Variants in DIPK1C observed in about 807,000 individuals in gnomAD.
DIPK1C encodes divergent protein kinase domain 1C, also known as familial non-conventional Alzheimer's dementia.
Under a neutral mutation model 28.0 loss-of-function variants are expected in DIPK1C, and 33 were observed. That is an observed-to-expected ratio of 1.18 (90% CI 0.89 to 1.58). The LOEUF (loss-of-function observed/expected upper bound fraction) is 1.58, where lower values mean the gene tolerates loss of function less well. DIPK1C is among the 40% of genes most tolerant of loss of function. The pLI is 0.00. For missense variants in DIPK1C, 569 were observed against 568.5 expected (o/e 1.00, Z -0.01); for synonymous variants, 255 against 248.8 (o/e 1.02, Z -0.23).
chr18:74,440,811 C>T (rs1986105644), intron 3 of DIPK1C, among the ~76,000 whole-genome samples: 1 of 152,180 alleles, frequency 6.6e-6, no homozygotes, highest in African/African-American at 2.4e-5. Flanking sequence ...ATCTTCTTCC[C>T]ACAGCTCAAG....
In DIPK1C at chr18:74,446,390, T is replaced by A. The variant is rs574725244; in HGVS notation, c.876+216A>T. Among the ~76,000 whole-genome samples the A allele has an allele frequency of 4.3e-3, 657 of 152,348 alleles. 9 individuals are homozygous for A. Among genetic ancestry groups the A allele is most frequent in the Middle Eastern group, 3.4e-3 (1 of 294 alleles). On this transcript the variant is annotated intron_variant, in intron 2 of 3. Coordinates refer to ENST00000343998, the MANE Select transcript of DIPK1C (RefSeq NM_001044369.3). ...AGCTGGCCCGGCCTCTGCCTCCCAC[T>A]GTGGGCTCCGTTCATTCAGATTCTC...
chr18:74,449,757 AT>A (rs1568265057), intron 1 of DIPK1C, among the ~76,000 whole-genome samples: 3 of 152,164 alleles, frequency 2.0e-5, no homozygotes, highest in Non-Finnish European at 4.4e-5. Context: ...GGAAACCCAC[AT>A]CCTTTAGGAA....
rs550385279 is a variant in DIPK1C at position 74,447,647 on chromosome 18, T to C, written c.199-364A>G. 2.6e-5 allele frequency among the ~76,000 whole-genome samples: 4 copies of C among 152,298 alleles called. No individual in the cohort carries two copies. The highest frequency in any genetic ancestry group is 9.6e-5 in the African/African-American group (4 of 41,578). On this transcript the variant is annotated intron_variant, in intron 1 of 3. Coordinates refer to ENST00000343998, the MANE Select transcript of DIPK1C (RefSeq NM_001044369.3). This position sits in a 1 kb window ranked among gnomAD's most constrained non-coding sequence, Gnocchi z 4.1. ...GGACCAGGCCAGTAGCTCTCGACTC[T>C]GCCTACACTTCAGGGTCACTGGGAG...
intron 1 of DIPK1C, among the ~76,000 whole-genome samples, chr18:74,453,679 A>G (rs1295679267): frequency 6.6e-6 from 1 of 152,192 alleles, no homozygotes; most frequent in African/African-American, 2.4e-5. Flanking sequence ...TTGCTATGGA[A>G]GGGTTAAGTA....
At chr18:74,450,665 CCTCCTCT>C (rs1006520491) in intron 1 of DIPK1C, among the ~76,000 whole-genome samples, 8 of 152,240 alleles carry the variant, frequency 5.3e-5, no homozygotes, top group African/African-American at 1.9e-4. Flanking sequence ...CAAGAAGCCA[CCTCCTCT>C]CTGCCTCACT....
upstream of DIPK1C, among the ~76,000 whole-genome samples, chr18:74,460,477 G>A (rs1463021124): frequency 6.6e-6 from 1 of 152,170 alleles, no homozygotes; most frequent in Non-Finnish European, 1.5e-5. Flanking sequence ...AGGATTGCAG[G>A]TGATTTTTAT....
the DIPK1C span, among the ~76,000 whole-genome samples, chr18:74,464,389 G>T: frequency 6.6e-6 from 1 of 152,188 alleles, no homozygotes; most frequent in Non-Finnish European, 1.5e-5. Context: ...AGCAGTTTTA[G>T]ATTCACAACA....
At chr18:74,456,527 A>C (rs1365842546) in intron 1 of DIPK1C, among the ~76,000 whole-genome samples, 1 of 152,134 alleles carries the variant, frequency 6.6e-6, no homozygotes, top group Non-Finnish European at 1.5e-5. Context: ...TGGGCTCTGG[A>C]GCGCAGGGGG....
At chr18:74,457,774 C>G (rs904768726), upstream of DIPK1C, 13 of 151,112 alleles carry the variant, frequency 8.6e-5, no homozygotes, top group African/African-American at 2.7e-4. Flanking sequence ...GAGTCTCACC[C>G]CAACTTGGGT....
intron 1 of DIPK1C, among the ~76,000 whole-genome samples, chr18:74,449,558 T>G (rs1206207422): frequency 6.6e-6 from 1 of 152,356 alleles, no homozygotes; most frequent in East Asian, 1.9e-4. Context: ...CCTGGCTTCC[T>G]GCTGCGGGGG....
In DIPK1C at chr18:74,436,674, TG is replaced by T; in HGVS notation, c.1086del (p.Lys363ArgfsTer49). 1.2e-6 allele frequency: 2 copies of T among 1,613,898 alleles called. No individual in the cohort carries two copies. The highest frequency in any genetic ancestry group is 1.7e-6 in the Non-Finnish European group (2 of 1,179,978). On this transcript the variant is annotated frameshift_variant, in exon 4 of 4. Coordinates refer to ENST00000343998, the MANE Select transcript of DIPK1C (RefSeq NM_001044369.3). LOFTEE classifies it low-confidence loss of function (END_TRUNC). ...KIFRHWFSAPLKSSAVSFQLQ... is the reference protein window; with the variant it reads ...KIFRHWFSAPXKSSAVSFQLQ... ...AGCTGGAAAGAGACCGCAGAGCTCTTGAGAGGCGCGGAAAACCAATGGCGAA... is the reference window on the plus strand; with the variant it reads ...AGCTGGAAAGAGACCGCAGAGCTCTTAGAGGCGCGGAAAACCAATGGCGAA...
chr18:74,436,335 G>T lies in DIPK1C; in HGVS notation c.*166C>A. ...GGTCAGAGGCCAGGGTGGGACGAGA[G>T]CGAGGGAGCACTGTCTCTGGCAGCA... On this transcript the variant is annotated 3_prime_UTR_variant, in exon 4 of 4. Transcript: ENST00000343998. 1.5e-6 allele frequency: 1 copy of T among 677,090 alleles called. No homozygotes were observed. The highest frequency in any genetic ancestry group is 2.4e-6 in the Non-Finnish European group (1 of 408,964). 41.9% of individuals were successfully genotyped at this position (677,090 alleles called of 1,614,324 possible). A position where few individuals can be genotyped will look rare whatever the true frequency, so the allele number is the denominator to read the frequency against.
chr18:74,441,930 C>T lies in DIPK1C; in HGVS notation c.1041+22G>A, dbSNP rs760599300. On this transcript the variant is annotated intron_variant, in intron 3 of 3. Coordinates refer to ENST00000343998, the MANE Select transcript of DIPK1C (RefSeq NM_001044369.3). ...AGCCAAAGAGCACCCTCTCCTCCCC[C>T]AGCCCTGGCGGACTCTCATACCTGC... is the stretch of plus-strand genomic sequence containing the variant. 3.1e-6 allele frequency: 5 copies of T among 1,606,604 alleles called. No homozygotes were observed. In the East Asian group the frequency reaches 6.7e-5, roughly 22 times the overall value.
intron 2 of DIPK1C, among the ~76,000 whole-genome samples, chr18:74,443,796 T>C (rs1318620815): frequency 6.6e-6 from 1 of 152,106 alleles, no homozygotes; most frequent in Non-Finnish European, 1.5e-5. Flanking sequence ...GAATCTCCCA[T>C]CTTTATAATT....
At chr18:74,436,833 G>T (rs112746285) in intron 3 of DIPK1C, 114 bp from the exon 4 acceptor site, 1 of 853,618 alleles carries the variant, frequency 1.2e-6, no homozygotes, top group Non-Finnish European at 1.7e-6. Context: ...CCCCACCCCC[G>T]TCCTTCAGGG....
At position 74,442,113 on chromosome 18, in the gene DIPK1C, C is replaced by A; in HGVS notation, c.880G>T (p.Val294Leu). Reference protein sequence around the residue: ...NFAIRSDFTVVAIDVDMAFFE... With the variant: ...NFAIRSDFTVLAIDVDMAFFE... ...AAGGCCATGTCCACATCAATAGCCACCACCTGTAATCAAAACAGCACGGGG... is the reference window on the plus strand; with the variant it reads ...AAGGCCATGTCCACATCAATAGCCAACACCTGTAATCAAAACAGCACGGGG... Residue 294 changes from valine to leucine, a missense_variant, in exon 3 of 4, where the codon GTG (valine) becomes TTG (leucine). Coordinates refer to ENST00000343998, the MANE Select transcript of DIPK1C (RefSeq NM_001044369.3). The A allele has an allele frequency of 3.1e-6, 5 of 1,614,058 alleles. No individual in the cohort carries two copies. Among genetic ancestry groups the A allele is most frequent in the Non-Finnish European group, 4.2e-6 (5 of 1,179,994 alleles).
At chr18:74,457,402 C>T, upstream of DIPK1C, 1 of 592,378 alleles carries the variant, frequency 1.7e-6, no homozygotes, top group Non-Finnish European at 2.1e-6. Context: ...GGCCCCGCGC[C>T]TGGGGCGGAG....
intron 1 of DIPK1C, among the ~76,000 whole-genome samples, chr18:74,450,251 A>T (rs1487935114): frequency 1.3e-5 from 2 of 152,242 alleles, no homozygotes; most frequent in Non-Finnish European, 2.9e-5. Flanking sequence ...ATTAAAAAAA[A>T]GCTTCTGTAA....
At chr18:74,457,414 T>C (rs912532582), upstream of DIPK1C, 15 of 468,912 alleles carry the variant, frequency 3.2e-5, no homozygotes, top group African/African-American at 2.3e-4. Flanking sequence ...GGGGCGGAGG[T>C]GCGGGGAGGG....
Sources: gnomAD v4.1 joint callset for allele counts (sites outside exome capture counted in the v4.1 genomes callset) on GRCh38, gnomAD v4.1.1 for gene constraint, Gnocchi (gnomAD v3.1) non-coding constraint, MANE v1.5 for transcripts, NCBI Gene and HGNC (gene_info 2026-07-23, HGNC 2026-07-21) for gene names.